The following TET2 variants were observed in gnomAD, a reference collection of about 807,000 sequenced individuals.
TET2 encodes tet methylcytosine dioxygenase 2, also known as methylcytosine dioxygenase TET2.
TET2 carries 299 observed loss-of-function variants against 142.9 expected under a neutral mutation model. That is an observed-to-expected ratio of 2.09 (90% CI 1.90 to 2.30). TET2 has a LOEUF of 2.30. Ranked by LOEUF, TET2 falls within the 30% of genes most tolerant of loss-of-function variation. The pLI is 0.00. For synonymous variants in TET2, 819 were observed against 849.0 expected, an observed-to-expected ratio of 0.96 and a Z score of 0.61; for missense variants, 2,418 against 2,378.0, an observed-to-expected ratio of 1.02 and a Z score of -0.35.
At chr4:105,221,215 A>AT (rs1173429172) in intron 2 of TET2, among the ~76,000 whole-genome samples, 5 of 152,148 alleles carry the variant, frequency 3.3e-5, no homozygotes, top group African/African-American at 1.2e-4. Context: ...ATAAGCCCAA[A>AT]TTCAAAAAAC....
At chr4:105,223,172 A>G (rs552249509) in intron 2 of TET2, among the ~76,000 whole-genome samples, 2 of 152,168 alleles carry the variant, frequency 1.3e-5, no homozygotes, top group Non-Finnish European at 2.9e-5. Flanking sequence ...TTAGATAGAA[A>G]GTTCTTACAG....
intron 1 of TET2, among the ~76,000 whole-genome samples, chr4:105,184,823 G>A (rs561872553): frequency 5.8e-4 from 89 of 152,258 alleles, no homozygotes; most frequent in African/African-American, 2.1e-3. Context: ...GTGCTGATTA[G>A]TGAACTCCAG....
intron 6 of TET2, among the ~76,000 whole-genome samples, chr4:105,248,575 A>C (rs1729699373): frequency 6.6e-6 from 1 of 152,218 alleles, no homozygotes; most frequent in South Asian, 2.1e-4. Context: ...ACCCCTATCA[A>C]AATAAATATA....
rs567818749 is a variant in TET2 at position 105,184,552 on chromosome 4, A to T, written c.-192-5808A>T. On this transcript the variant is annotated intron_variant, in intron 1 of 10. Transcript: ENST00000380013. ...CCACTTTGTCTATGTTAGGAGGAGC[A>T]GGAAGTGAATACATTTAAGGTCTTT... 3.3e-4 allele frequency among the ~76,000 whole-genome samples: 50 copies of T among 152,354 alleles called. 1 individual carries two copies. The South Asian group carries it at 0.01, about 31-fold the overall frequency.
intron 8 of TET2, among the ~76,000 whole-genome samples, chr4:105,265,191 A>G (rs1008409348): frequency 2.0e-5 from 3 of 152,200 alleles, no homozygotes; most frequent in African/African-American, 7.2e-5. Flanking sequence ...GAAGATGGAA[A>G]TATTCTCTAT....
chr4:105,171,699 T>A (rs1724476589), intron 1 of TET2: 1 of 152,246 alleles, frequency 6.6e-6, no homozygotes, highest in African/African-American at 2.4e-5. Context: ...GTGTAATGTT[T>A]GCTCATTTAC....
In TET2 at chr4:105,236,780, TC is replaced by T; in HGVS notation, c.2839del (p.Gln947LysfsTer6). The T allele has an allele frequency of 6.2e-7, 1 of 1,614,038 alleles. No homozygotes were observed. The highest frequency in any genetic ancestry group is 8.5e-7 in the Non-Finnish European group (1 of 1,179,986). ...HTQTPPQKDTQKHAALRWHLL... is the reference protein window; with the variant it reads ...HTQTPPQKDTXKHAALRWHLL... ...CTCAGACCCCTCCCCAGAAGGACAC[TC>T]AAAAGCATGCTGCTCTAAGGTGGCA... On this transcript the variant is annotated frameshift_variant, in exon 3 of 11. Transcript: ENST00000380013. LOFTEE classifies it high-confidence loss of function.
chr4:105,248,552 C>T (rs1578699908), intron 6 of TET2, among the ~76,000 whole-genome samples: 1 of 140,942 alleles, frequency 7.1e-6, no homozygotes, highest in African/African-American at 2.4e-5. Flanking sequence ...CTAATTCTAA[C>T]AATATTTGAA....
At chr4:105,167,481 T>G (rs1356620328) in intron 1 of TET2, among the ~76,000 whole-genome samples, 1 of 152,176 alleles carries the variant, frequency 6.6e-6, no homozygotes, top group African/African-American at 2.4e-5. Context: ...ACATGTAGTA[T>G]ATCTATATAC....
chr4:105,188,745 A>T (rs1725608535), intron 1 of TET2, among the ~76,000 whole-genome samples: 1 of 152,162 alleles, frequency 6.6e-6, no homozygotes, highest in South Asian at 2.1e-4. Context: ...GAAAGAAACC[A>T]GACGTAAAAG....
At chr4:105,177,546 A>G (rs940747483) in intron 1 of TET2, 7 of 152,232 alleles carry the variant, frequency 4.6e-5, no homozygotes, top group African/African-American at 1.7e-4. Context: ...CATCATAGTC[A>G]TTAGGGTATT....
intron 2 of TET2, among the ~76,000 whole-genome samples, chr4:105,191,865 A>C (rs1725810420): frequency 6.6e-6 from 1 of 152,162 alleles, no homozygotes; most frequent in African/African-American, 2.4e-5. Context: ...TCTCAGAATG[A>C]AAATTTTCCC....
chr4:105,186,660 C>T (rs1490470070), intron 1 of TET2, among the ~76,000 whole-genome samples: 4 of 151,706 alleles, frequency 2.6e-5, no homozygotes, highest in South Asian at 4.2e-4. Context: ...TTAGTAGAGA[C>T]GGGGTTTCAT....
At chr4:105,182,803 T>A (rs944605398) in intron 1 of TET2, among the ~76,000 whole-genome samples, 1 of 152,146 alleles carries the variant, frequency 6.6e-6, no homozygotes, top group Admixed American at 6.5e-5. Flanking sequence ...GCCATCCCAT[T>A]AAGCATTAGA....
intron 1 of TET2, 99 bp from the exon 2 acceptor site, chr4:105,190,261 A>G: frequency 2.0e-6 from 1 of 506,818 alleles, no homozygotes; most frequent in Non-Finnish European, 3.5e-6. Context: ...GGAAATATCC[A>G]ATTATAGGTA....
chr4:105,267,299 TAATGA>T (rs768061583), intron 8 of TET2, among the ~76,000 whole-genome samples: 2 of 151,870 alleles, frequency 1.3e-5, no homozygotes, highest in Non-Finnish European at 2.9e-5. Context: ...CAGATCAACA[TAATGA>T]AATGAACAGT....
intron 2 of TET2, among the ~76,000 whole-genome samples, chr4:105,203,735 G>C (rs1336354617): frequency 1.3e-5 from 2 of 152,132 alleles, no homozygotes; most frequent in Admixed American, 1.3e-4. Flanking sequence ...AGACAAATCA[G>C]GGCCGTTATT....
At chr4:105,222,684 T>C (rs980272453) in intron 2 of TET2, among the ~76,000 whole-genome samples, 1 of 152,186 alleles carries the variant, frequency 6.6e-6, no homozygotes, top group Admixed American at 6.5e-5. Context: ...ACTCTGATGG[T>C]AGTTCCTTTT....
At position 105,234,009 on chromosome 4, in the gene TET2, C is replaced by T. The variant is rs2110219448; in HGVS notation, c.67C>T (p.Pro23Ser). The T allele has an allele frequency of 6.2e-7, 1 of 1,614,116 alleles. No homozygotes were observed. Among genetic ancestry groups the T allele is most frequent in the East Asian group, 2.2e-5 (1 of 44,850 alleles). The change falls in exon 3 of 11, where the codon CCC becomes TCC. Residue 23 changes from proline (P) to serine (S), a missense_variant. By Grantham distance (74) the Pro-to-Ser change is moderately conservative (BLOSUM62 -1). Transcript: ENST00000380013. ...RLSPFLIPSP[P>S]ICQTEPLATK... is the part of the protein sequence containing the mutation. ...AAGTCCATTCCTGATACCATCACCTCCCATTTGCCAGACAGAACCTCTGGC... is the reference window on the plus strand; with the variant it reads ...AAGTCCATTCCTGATACCATCACCTTCCATTTGCCAGACAGAACCTCTGGC...
Sources: gnomAD v4.1 joint callset for allele counts (sites outside exome capture counted in the v4.1 genomes callset) on GRCh38, gnomAD v4.1.1 for gene constraint, MANE v1.5 for transcripts, NCBI Gene and HGNC (gene_info 2026-07-23, HGNC 2026-07-21) for gene names.